MIA2: variants seen among roughly 807,000 people sequenced by gnomAD.
MIA2 encodes the protein melanoma inhibitory activity protein 2.
A neutral mutation model predicts 167.8 loss-of-function variants in MIA2; 127 were observed. The ratio of observed to expected loss-of-function variants is 0.76; its 90% CI spans 0.66 to 0.88. The LOEUF is 0.88. Among genes scored for constraint, MIA2 ranks in the 40% least tolerant of loss-of-function variants. MIA2 has a pLI of 0.00. For missense variants in MIA2, 1,690 were observed against 1,624.7 expected (o/e 1.04, Z -0.69); for synonymous variants, 552 against 541.9 (o/e 1.02, Z -0.26).
At chr14:39,347,903 C>T (rs922880202) in intron 27 of MIA2, 132 bp downstream of exon 27, 1 of 807,782 alleles carries the variant, frequency 1.2e-6, no homozygotes, top group Non-Finnish European at 1.8e-6. Context: ...CTCACTGCAA[C>T]CTGGGTTCAA....
chr14:39,330,235 G>C (rs185276701), intron 25 of MIA2, among the ~76,000 whole-genome samples: 5 of 152,268 alleles, frequency 3.3e-5, no homozygotes, highest in African/African-American at 1.2e-4. Flanking sequence ...ATTTCTTCTA[G>C]ATTTTCTAGT....
intron 25 of MIA2, among the ~76,000 whole-genome samples, chr14:39,342,755 A>G (rs1216464243): frequency 4.6e-5 from 7 of 152,234 alleles, no homozygotes; most frequent in African/African-American, 7.2e-5. Flanking sequence ...TGAATTGAAC[A>G]CTATTGCATT....
At chr14:39,291,626 A>AT in intron 10 of MIA2, among the ~76,000 whole-genome samples, 1 of 152,230 alleles carries the variant, frequency 6.6e-6, no homozygotes, top group East Asian at 1.9e-4. Context: ...AAGCAGCCTT[A>AT]TTTGTAGCAT....
chr14:39,346,068 G>T (rs759049616), intron 26 of MIA2, 42 bp downstream of exon 26: 1 of 1,568,276 alleles, frequency 6.4e-7, no homozygotes, highest in Non-Finnish European at 8.7e-7. Flanking sequence ...AAATTTTGGT[G>T]GCACACTAAA....
rs995803201 is a variant in MIA2, at chr14:39,235,273, C to A, written c.115+1044C>A. Among the ~76,000 whole-genome samples the A allele has an allele frequency of 2.0e-5, 3 of 152,260 alleles. No homozygotes were observed. In the South Asian group the frequency reaches 6.2e-4, roughly 32 times the overall value. On this transcript the variant is annotated intron_variant, in intron 1 of 28. Transcript: ENST00000640607. ...CTGAGCTCAGGGAATCCACCTGCCT[C>A]AGCCTCCCAAAGTGCTAAGATTACA...
At chr14:39,308,243 A>G (rs1308610255) in intron 17 of MIA2, among the ~76,000 whole-genome samples, 2 of 152,162 alleles carry the variant, frequency 1.3e-5, no homozygotes, top group African/African-American at 4.8e-5. Context: ...ACACTGTACC[A>G]CATAAATATG....
chr14:39,263,731 A>C (rs2055263125), intron 6 of MIA2, among the ~76,000 whole-genome samples: 1 of 150,712 alleles, frequency 6.6e-6, no homozygotes. Flanking sequence ...TCCTGGGTTC[A>C]AATGATTTTC....
At chr14:39,299,251 A>G (rs2062001295) in intron 13 of MIA2, among the ~76,000 whole-genome samples, 1 of 149,336 alleles carries the variant, frequency 6.7e-6, no homozygotes. Flanking sequence ...GTAAAAGTAT[A>G]TATAGTAGAA....
At chr14:39,330,304 C>G (rs2068528568) in intron 25 of MIA2, among the ~76,000 whole-genome samples, 1 of 152,110 alleles carries the variant, frequency 6.6e-6, no homozygotes. Context: ...TCTGTGGGAT[C>G]AGTGGTGATA....
chr14:39,354,321 A>G (rs989090952), downstream of MIA2, among the ~76,000 whole-genome samples: 5 of 152,144 alleles, frequency 3.3e-5, no homozygotes, highest in African/African-American at 7.2e-5. Context: ...GCCAGTGATG[A>G]TGAGCATTTT....
intron 13 of MIA2, among the ~76,000 whole-genome samples, chr14:39,297,187 G>A (rs984121310): frequency 6.6e-6 from 1 of 151,638 alleles, no homozygotes; most frequent in African/African-American, 2.4e-5. Flanking sequence ...TCTGCTGCCC[G>A]GGTTCAAGTG....
chr14:39,309,355 A>G (rs1174562461), intron 18 of MIA2, among the ~76,000 whole-genome samples: 2 of 152,166 alleles, frequency 1.3e-5, no homozygotes, highest in African/African-American at 2.4e-5. Flanking sequence ...GGCCTACAAG[A>G]CAGTACAGGA....
chr14:39,374,305 C>G (rs2075006419), intron 23 of MIA2, among the ~76,000 whole-genome samples: 1 of 152,138 alleles, frequency 6.6e-6, no homozygotes, highest in African/African-American at 2.4e-5. Flanking sequence ...CATTGGAAAT[C>G]TACAGAATAC....
intron 4 of MIA2, among the ~76,000 whole-genome samples, chr14:39,248,443 ATT>A (rs201847458): frequency 1.4e-5 from 2 of 146,666 alleles, no homozygotes; most frequent in African/African-American, 2.5e-5. Context: ...GTGCTAAGGC[ATT>A]TTTTTTTTTT....
chr14:39,275,603 C>T (rs928481705), intron 6 of MIA2, among the ~76,000 whole-genome samples: 1 of 152,178 alleles, frequency 6.6e-6, no homozygotes, highest in Non-Finnish European at 1.5e-5. Context: ...ATATTGATTA[C>T]ACAATTTTTG....
downstream of MIA2, chr14:39,351,471 T>C (rs909426783): frequency 2.9e-4 from 44 of 152,166 alleles, no homozygotes; most frequent in African/African-American, 1.0e-3. Flanking sequence ...TGTGAAAATG[T>C]AATTACATTT....
At chr14:39,297,699 T>TGTGTGTGTGTGTGTGTGTGTG (rs1228446895) in intron 13 of MIA2, among the ~76,000 whole-genome samples, 8 of 63,366 alleles carry the variant, frequency 1.3e-4, no homozygotes, top group Non-Finnish European at 1.3e-4. Context: ...GTGTGTGTGT[T>TGTGTGTGTGTGTGTGTGTGTG]TGTGTGTGTG....
chr14:39,342,408 T>G (rs902954686), intron 25 of MIA2, among the ~76,000 whole-genome samples: 1 of 152,180 alleles, frequency 6.6e-6, no homozygotes, highest in African/African-American at 2.4e-5. Flanking sequence ...ATCCAGTCTA[T>G]CGTTGTTGGA....
chr14:39,293,518 TC>T (rs2152833143), intron 11 of MIA2, 137 bp downstream of exon 11: 1 of 577,606 alleles, frequency 1.7e-6, no homozygotes, highest in East Asian at 3.1e-5. Flanking sequence ...AGCAAAATTT[TC>T]TAGATCCATT....
Sources: allele counts gnomAD v4.1 joint callset (sites outside exome capture counted in the v4.1 genomes callset), GRCh38; gene constraint gnomAD v4.1.1; transcripts MANE v1.5; gene names NCBI Gene and HGNC (gene_info 2026-07-23, HGNC 2026-07-21).